Variants in DSE observed in about 807,000 individuals in gnomAD.
The protein encoded by DSE is dermatan sulfate epimerase.
In DSE, 36 loss-of-function variants were observed where a neutral mutation model predicts 84.4. That is an observed-to-expected ratio of 0.43 (90% confidence interval 0.33 to 0.56). DSE has a LOEUF of 0.56. DSE is among the 20% of genes least tolerant of loss of function. The pLI, the probability that DSE is intolerant of heterozygous loss-of-function variation, is 0.06. For missense variants in DSE, 862 were observed against 1,169.6 expected (o/e 0.74, Z 3.84); for synonymous variants, 410 against 430.1 (o/e 0.95, Z 0.58).
At chr6:116,396,099 C>T (rs1245308067) in intron 1 of DSE, among the ~76,000 whole-genome samples, 1 of 152,162 alleles carries the variant, frequency 6.6e-6, no homozygotes, top group African/African-American at 2.4e-5. Context: ...CAAAGTTTCT[C>T]CATGCTTATT....
At chr6:116,407,754 G>A (rs374297848) in intron 2 of DSE, among the ~76,000 whole-genome samples, 1 of 152,150 alleles carries the variant, frequency 6.6e-6, no homozygotes, top group African/African-American at 2.4e-5. Context: ...TCAGGAAAAA[G>A]TACCTTTGAT....
At position 116,432,111 on chromosome 6, in the gene DSE, T is replaced by G. The variant is rs1783879421; in HGVS notation, c.910+918T>G. Among the ~76,000 whole-genome samples, 3 of 152,366 alleles carry G rather than the reference T, an allele frequency of 2.0e-5. No individual in the cohort carries two copies. The East Asian group carries it at 5.8e-4, about 29-fold the overall frequency. The stretch of plus-strand genomic sequence containing the variant: ...ACTTACATTCAAAAAAATACTGCTT[T>G]GTTGCTTTTTCTTAGACATGCAGGA... On this transcript the variant is annotated intron_variant, in intron 4 of 5. Coordinates refer to ENST00000644252, the MANE Select transcript of DSE (RefSeq NM_013352.4).
Position 116,408,514 on chromosome 6 carries a change from G to A in DSE, c.416+8848G>A, listed in dbSNP as rs1012899502. Among the ~76,000 whole-genome samples the A allele has an allele frequency of 1.4e-4, 22 of 152,312 alleles. No homozygotes were observed. The East Asian group carries it at 3.7e-3, about 25-fold the overall frequency. ...TGAGAGTCTAAGCTTACTGAGAGCA[G>A]AAGTCCTGGATCTGTATACAACTTT... On this transcript the variant is annotated intron_variant, in intron 2 of 5. Coordinates refer to ENST00000644252, the MANE Select transcript of DSE (RefSeq NM_013352.4).
chr6:116,295,654 C>T (rs1774617455), intron 2 of DSE, among the ~76,000 whole-genome samples: 1 of 152,078 alleles, frequency 6.6e-6, no homozygotes, highest in African/African-American at 2.4e-5. Flanking sequence ...TTTTTTGACA[C>T]TGTTAGTTTC....
At position 116,322,099 on chromosome 6, in the gene DSE, G is replaced by C. The variant is rs574880300; in HGVS notation, c.-54+63132G>C. Among the ~76,000 whole-genome samples the C allele has an allele frequency of 2.1e-5, 3 of 140,120 alleles. No individual in the cohort carries two copies. In the South Asian group the frequency reaches 6.3e-4, roughly 29 times the overall value. The allele number at this position is 140,120 out of a possible 152,430, so 91.9% of individuals were successfully genotyped here. A position where few individuals can be genotyped will look rare whatever the true frequency, so the allele number is the denominator to read the frequency against. On this transcript the variant is annotated intron_variant, in intron 2 of 3. Transcript: ENST00000430252. ...AACTCTAAGGGGGTGCGTGTGAGAG[G>C]GACGTGATTGATTGAGCAAGCAGGG...
intron 2 of DSE, among the ~76,000 whole-genome samples, chr6:116,271,078 C>T (rs895688302): frequency 6.6e-6 from 1 of 152,202 alleles, no homozygotes; most frequent in Non-Finnish European, 1.5e-5. Flanking sequence ...GGGTAGGGAA[C>T]TTATTTGTGA....
In DSE at chr6:116,337,394, G is replaced by A. The variant is rs189901923; in HGVS notation, c.-53-61804G>A. ...TGGGAGGCCGAGGCAGGTGGATCAC[G>A]AGGTCAGGATTTCGAGACCAGCCTG... On this transcript the variant is annotated intron_variant, in intron 2 of 3. Coordinates refer to the DSE transcript ENST00000430252. Among the ~76,000 whole-genome samples, 1,051 of 152,290 alleles carry A rather than the reference G, an allele frequency of 6.9e-3. 22 individuals are homozygous for A. The highest frequency in any genetic ancestry group is 0.056 in the South Asian group (271 of 4,826).
intron 2 of DSE, among the ~76,000 whole-genome samples, chr6:116,425,613 A>ATTTTTTTTTTTTTT (rs869187005): frequency 1.2e-5 from 1 of 83,150 alleles, no homozygotes; most frequent in Non-Finnish European, 3.3e-5. Context: ...TATTTTATTT[A>ATTTTTTTTTTTTTT]TTTTTATTTT....
At position 116,391,706 on chromosome 6, in the gene DSE, A is replaced by G. The variant is rs558727932; in HGVS notation, c.-53-7492A>G. Among the ~76,000 whole-genome samples, 219 of 150,694 alleles carry G rather than the reference A, an allele frequency of 1.5e-3. 4 individuals carry two copies. The South Asian group carries it at 0.046, about 31-fold the overall frequency. Reference sequence around the variant, plus strand: ...CATGAACCTAGGAGGTGGAGCTTGCAGTGAGCCAAGATTGCTCCACTGCAC... The same window carrying G: ...CATGAACCTAGGAGGTGGAGCTTGCGGTGAGCCAAGATTGCTCCACTGCAC... On this transcript the variant is annotated intron_variant, in intron 1 of 5. Transcript: ENST00000644252.
intron 2 of DSE, among the ~76,000 whole-genome samples, chr6:116,301,594 C>T (rs1400833878): frequency 6.6e-6 from 1 of 152,190 alleles, no homozygotes; most frequent in Admixed American, 6.5e-5. Flanking sequence ...CACATCCTTA[C>T]TTAAACCGCC....
chr6:116,430,819 G>A lies in DSE; in HGVS notation c.671-135G>A. ...GATTACAAGATGTTATTTATACACT[G>A]ACAAGTTGGAGTTTTACAAAACGCG... is the stretch of plus-strand genomic sequence containing the variant. On this transcript the variant is annotated intron_variant, in intron 3 of 5. Coordinates refer to ENST00000644252, the MANE Select transcript of DSE (RefSeq NM_013352.4). 6.6e-6 allele frequency: 8 copies of A among 1,203,618 alleles called. No individual in the cohort carries two copies. In the South Asian group the frequency reaches 1.1e-4, roughly 16 times the overall value. The allele number at this position is 1,203,618 out of a possible 1,614,324, so 74.6% of individuals were successfully genotyped here.
At chr6:116,340,851 G>T (rs1287077151) in intron 2 of DSE, among the ~76,000 whole-genome samples, 1 of 152,126 alleles carries the variant, frequency 6.6e-6, no homozygotes, top group Non-Finnish European at 1.5e-5. Context: ...GTATTCCGTG[G>T]TGTATATGTG....
At chr6:116,426,969 A>G in intron 3 of DSE, 142 bp downstream of exon 3, 1 of 1,116,896 alleles carries the variant, frequency 9.0e-7, no homozygotes, top group East Asian at 2.6e-5. Flanking sequence ...AGTAGTCCCT[A>G]CAGTATCACT....
chr6:116,339,673 G>A (rs978557177), intron 2 of DSE, among the ~76,000 whole-genome samples: 3 of 152,124 alleles, frequency 2.0e-5, no homozygotes, highest in Non-Finnish European at 4.4e-5. Context: ...TGAAGAGGAG[G>A]GAGACAATGG....
At chr6:116,382,531 A>C (rs1780300632) in intron 1 of DSE, among the ~76,000 whole-genome samples, 1 of 152,132 alleles carries the variant, frequency 6.6e-6, no homozygotes, top group African/African-American at 2.4e-5. Flanking sequence ...ATTCCCTGTG[A>C]CTTATTTCTG....
At chr6:116,363,822 T>C (rs1228824729) in intron 2 of DSE, among the ~76,000 whole-genome samples, 2 of 152,238 alleles carry the variant, frequency 1.3e-5, no homozygotes, top group Admixed American at 1.3e-4. Context: ...TTATTTCTTC[T>C]TAGGCACTGA....
At chr6:116,426,961 T>C (rs1414918258) in intron 3 of DSE, 134 bp downstream of exon 3, 3 of 1,179,680 alleles carry the variant, frequency 2.5e-6, no homozygotes, top group South Asian at 3.3e-5. Flanking sequence ...TGAAATGAAG[T>C]AGTCCCTACA....
At position 116,436,443 on chromosome 6, in the gene DSE, A is replaced by G. The variant is rs149384783; in HGVS notation, c.1975A>G (p.Arg659Gly). ...CATGCACCTCCGAAGTCCCATCACC[A>G]GGGCAGCTTACCTCTTCATAGGGCC... is the stretch of plus-strand genomic sequence containing the variant. ...VTMHLRSPIT[R>G]AAYLFIGPSI... Residue 659 changes from arginine to glycine, a missense_variant, in exon 6 of 6, where the codon AGG becomes GGG. This residue lies in a region of DSE where 186 missense variants were observed against 255.1 expected (regional missense o/e 0.73). Coordinates refer to ENST00000644252, the MANE Select transcript of DSE (RefSeq NM_013352.4). 7.4e-6 allele frequency: 12 copies of G among 1,614,064 alleles called. No individual in the cohort carries two copies. Among genetic ancestry groups the G allele is most frequent in the Non-Finnish European group, 1.0e-5 (12 of 1,180,032 alleles).
chr6:116,331,365 C>G (rs906842981), intron 2 of DSE, among the ~76,000 whole-genome samples: 3 of 152,158 alleles, frequency 2.0e-5, no homozygotes, highest in African/African-American at 7.2e-5. Context: ...GCAAACACAT[C>G]CTTCTTCACA....
Sources: gnomAD v4.1 joint callset for allele counts (sites outside exome capture counted in the v4.1 genomes callset) on GRCh38, gnomAD v4.1.1 for gene constraint, gnomAD v4.1.1 regional missense constraint, MANE v1.5 for transcripts, NCBI Gene and HGNC (gene_info 2026-07-23, HGNC 2026-07-21) for gene names.